ITPKB: variants seen among roughly 807,000 people sequenced by gnomAD.
ITPKB encodes the protein IP3 3-kinase B.
ITPKB carries 13 observed loss-of-function variants against 69.4 expected under a neutral mutation model. The ratio of observed to expected loss-of-function variants is 0.19; its 90% CI spans 0.12 to 0.30. ITPKB has a LOEUF of 0.30. Among genes scored for constraint, ITPKB ranks in the 10% least tolerant of loss-of-function variants. The probability of loss-of-function intolerance (pLI) is 1.00; values close to 1 mark genes in which losing one functional copy is unlikely to be tolerated. For missense variants in ITPKB, 1,240 were observed against 1,250.5 expected, an observed-to-expected ratio of 0.99 and a Z score of 0.13; for synonymous variants, 584 against 513.7, an observed-to-expected ratio of 1.14 and a Z score of -1.85.
intron 2 of ITPKB, among the ~76,000 whole-genome samples, chr1:226,674,184 T>C (rs1489856311): frequency 3.3e-5 from 5 of 152,100 alleles, no homozygotes; most frequent in Non-Finnish European, 7.4e-5. Flanking sequence ...CAATTACAAA[T>C]ATTTTTTAAG....
rs1400211580 is a variant in ITPKB, at chr1:226,709,027, AAGCAGGTGGCAGCAGTGGGC to A, written c.1932+26480_1932+26499del. ...TCAGAACAACTCCAGATGGTACAGC[AAGCAGGTGGCAGCAGTGGGC>A]AGCAGAGCCCCAGACGTCTGGCCCC... On this transcript the variant is annotated intron_variant, in intron 2 of 7. Transcript: ENST00000429204. Among the ~76,000 whole-genome samples the A allele has an allele frequency of 1.3e-4, 20 of 152,168 alleles. 1 individual carries two copies. The highest frequency in any genetic ancestry group is 2.9e-5 in the Non-Finnish European group (2 of 68,026).
chr1:226,637,656 G>A lies in ITPKB; in HGVS notation c.2625+23C>T, dbSNP rs767276853. The A allele has an allele frequency of 5.0e-6, 8 of 1,584,410 alleles. No homozygotes were observed. Among genetic ancestry groups the A allele is most frequent in the Middle Eastern group, 1.7e-4 (1 of 6,022 alleles). ...TTGGCACGCGCAGCATTCTGCTCAA[G>A]AGGGCAAAAGCCCAGTATCTACCTC... On this transcript the variant is annotated intron_variant, in intron 7 of 7. Transcript: ENST00000429204. The surrounding 1 kb of genome is among the most constrained non-coding windows in gnomAD (Gnocchi z 4.3).
chr1:226,660,786 G>A (rs1431008358), intron 2 of ITPKB, among the ~76,000 whole-genome samples: 9 of 152,194 alleles, frequency 5.9e-5, no homozygotes, highest in East Asian at 1.9e-4. Flanking sequence ...AGCACGAGGC[G>A]GATGGGCAGC....
At chr1:226,725,071 G>C (rs1295294957) in intron 2 of ITPKB, among the ~76,000 whole-genome samples, 1 of 152,168 alleles carries the variant, frequency 6.6e-6, no homozygotes, top group Non-Finnish European at 1.5e-5. Flanking sequence ...ATGTACTGAA[G>C]CTTTCTGCAT....
At chr1:226,737,734 A>G (rs1340531421) in intron 1 of ITPKB, 71 bp from the exon 2 acceptor site, 1 of 287,840 alleles carries the variant, frequency 3.5e-6, no homozygotes, top group Non-Finnish European at 5.5e-6. Flanking sequence ...CGCCTGCAGA[A>G]CCCAGAGAGA....
intron 7 of ITPKB, among the ~76,000 whole-genome samples, chr1:226,636,206 C>A (rs1668834215): frequency 3.9e-5 from 6 of 152,216 alleles, no homozygotes; most frequent in Admixed American, 3.9e-4. Context: ...GGCAGCACCC[C>A]CATCGTCCAG....
At chr1:226,652,315 C>G (rs545962681) in intron 2 of ITPKB, among the ~76,000 whole-genome samples, 2 of 152,190 alleles carry the variant, frequency 1.3e-5, no homozygotes, top group Non-Finnish European at 2.9e-5. Context: ...GGAACCAAAT[C>G]CACTCCAGGC....
At chr1:226,658,786 T>A (rs1334656110) in intron 2 of ITPKB, among the ~76,000 whole-genome samples, 1 of 152,088 alleles carries the variant, frequency 6.6e-6, no homozygotes, top group Non-Finnish European at 1.5e-5. Flanking sequence ...CTGAGCGCTG[T>A]CGGGTTGGTG....
intron 2 of ITPKB, among the ~76,000 whole-genome samples, chr1:226,711,261 C>T (rs980551024): frequency 6.6e-6 from 1 of 152,164 alleles, no homozygotes; most frequent in Non-Finnish European, 1.5e-5. Context: ...AGCCTAACAT[C>T]CTCTACCTCC....
chr1:226,641,349 A>G lies in ITPKB; in HGVS notation c.2451+572T>C, dbSNP rs1668957586. 2.0e-5 allele frequency among the ~76,000 whole-genome samples: 3 copies of G among 152,206 alleles called. No individual in the cohort carries two copies. The highest frequency in any genetic ancestry group is 4.4e-5 in the Non-Finnish European group (3 of 68,042). On this transcript the variant is annotated intron_variant, in intron 5 of 7. Coordinates refer to ENST00000429204, the MANE Select transcript of ITPKB (RefSeq NM_002221.4). This position sits in a 1 kb window ranked among gnomAD's most constrained non-coding sequence, Gnocchi z 4.6. Reference sequence around the variant, plus strand: ...CCATCATTTTGTAAACCACAAACACAAAGTAAATATATTAATTAGGGGAAA... The same window carrying G: ...CCATCATTTTGTAAACCACAAACACGAAGTAAATATATTAATTAGGGGAAA...
At chr1:226,691,816 A>G (rs1314605598) in intron 2 of ITPKB, among the ~76,000 whole-genome samples, 3 of 152,148 alleles carry the variant, frequency 2.0e-5, no homozygotes, top group Non-Finnish European at 2.9e-5. Context: ...TGATGGATTC[A>G]ATTTTAAACT....
intron 2 of ITPKB, among the ~76,000 whole-genome samples, chr1:226,706,112 T>G (rs1422420765): frequency 6.6e-6 from 1 of 152,112 alleles, no homozygotes; most frequent in African/African-American, 2.4e-5. Flanking sequence ...GAGGTGAAGG[T>G]CAAAACCAAG....
intron 2 of ITPKB, among the ~76,000 whole-genome samples, chr1:226,676,970 C>T (rs1392704247): frequency 6.6e-6 from 1 of 152,210 alleles, no homozygotes; most frequent in Non-Finnish European, 1.5e-5. Context: ...TTTGTACCCT[C>T]CACACCCTCC....
At position 226,667,755 on chromosome 1, in the gene ITPKB, AAAAAATT is replaced by A. The variant is rs533575446; in HGVS notation, c.1933-18991_1933-18985del. Among the ~76,000 whole-genome samples, 254 of 152,276 alleles carry A rather than the reference AAAAAATT, an allele frequency of 1.7e-3. 2 individuals carry two copies. The highest frequency in any genetic ancestry group is 5.9e-3 in the African/African-American group (247 of 41,520). ...AGCTATTACTTTGGGAGAAAAAGGG[AAAAAATT>A]AAAAATTAAGGAAGCTTCATGGAAA... On this transcript the variant is annotated intron_variant, in intron 2 of 7. Coordinates refer to ENST00000429204, the MANE Select transcript of ITPKB (RefSeq NM_002221.4).
At chr1:226,651,248 G>A (rs777148352) in intron 2 of ITPKB, among the ~76,000 whole-genome samples, 4 of 152,260 alleles carry the variant, frequency 2.6e-5, no homozygotes, top group Non-Finnish European at 5.9e-5. Flanking sequence ...TGCAGACAGA[G>A]GGAGATAGGT....
chr1:226,707,593 G>C, intron 2 of ITPKB: 6 of 986,688 alleles, frequency 6.1e-6, no homozygotes, highest in Non-Finnish European at 7.2e-6. Context: ...CAACATGTTC[G>C]GGCAGTGGGG....
intron 2 of ITPKB, among the ~76,000 whole-genome samples, chr1:226,655,815 T>A (rs1483899086): frequency 6.6e-6 from 1 of 151,988 alleles, no homozygotes; most frequent in African/African-American, 2.4e-5. Flanking sequence ...CAATTTGGGG[T>A]GGGTAGAAGA....
At chr1:226,671,748 T>C (rs781772717) in intron 2 of ITPKB, among the ~76,000 whole-genome samples, 1 of 152,058 alleles carries the variant, frequency 6.6e-6, no homozygotes, top group Non-Finnish European at 1.5e-5. Context: ...AGGCAGAGGG[T>C]ATGGCACTGC....
intron 2 of ITPKB, among the ~76,000 whole-genome samples, chr1:226,658,497 A>T (rs536313666): frequency 1.3e-5 from 2 of 152,364 alleles, no homozygotes; most frequent in African/African-American, 2.4e-5. Flanking sequence ...AAGCCCAAGG[A>T]CTTGGCAGGA....
Sources: allele counts gnomAD v4.1 joint callset (sites outside exome capture counted in the v4.1 genomes callset), GRCh38; gene constraint gnomAD v4.1.1; non-coding constraint Gnocchi (gnomAD v3.1); transcripts MANE v1.5; gene names NCBI Gene and HGNC (gene_info 2026-07-23, HGNC 2026-07-21).